Variants in ZZZ3 observed in about 807,000 individuals in gnomAD.
ZZZ3 encodes ZZ-type zinc finger-containing protein 3.
In ZZZ3, 22 loss-of-function variants were observed where a neutral mutation model predicts 95.2. The ratio of observed to expected loss-of-function variants is 0.23; its 90% CI spans 0.17 to 0.33. The LOEUF is 0.33. Among genes scored for constraint, ZZZ3 ranks in the 10% least tolerant of loss-of-function variants. The probability of loss-of-function intolerance (pLI) is 1.00; values close to 1 mark genes in which losing one functional copy is unlikely to be tolerated. For missense variants in ZZZ3, 885 were observed against 1,066.5 expected (o/e 0.83, Z 2.37); for synonymous variants, 335 against 358.9 (o/e 0.93, Z 0.75).
At chr1:77,639,998 C>G (rs887591870) in intron 3 of ZZZ3, among the ~76,000 whole-genome samples, 2 of 150,892 alleles carry the variant, frequency 1.3e-5, no homozygotes, top group Admixed American at 6.6e-5. Context: ...TAGAGGACTT[C>G]CCAAATTCTC....
At chr1:77,651,883 G>T (rs1244113092) in intron 1 of ZZZ3, among the ~76,000 whole-genome samples, 1 of 152,000 alleles carries the variant, frequency 6.6e-6, no homozygotes, top group African/African-American at 2.4e-5. Flanking sequence ...TGGGCGTGGT[G>T]GCGTGCATCT....
chr1:77,571,397 T>C (rs1446406338), intron 12 of ZZZ3, among the ~76,000 whole-genome samples: 1 of 152,164 alleles, frequency 6.6e-6, no homozygotes, highest in African/African-American at 2.4e-5. Context: ...AGTATGGTGG[T>C]TCCTCAAAAA....
chr1:77,632,428 T>G lies in ZZZ3; in HGVS notation c.927A>C (p.Ser309=). 6.2e-7 allele frequency: 1 copy of G among 1,614,160 alleles called. No homozygotes were observed. Among genetic ancestry groups the G allele is most frequent in the African/African-American group, 1.3e-5 (1 of 75,054 alleles). Reference sequence around the variant, plus strand: ...CTTCCTCCTCAGAATCCCTTAAAGATGACTGAGTTTCAGAAAAGGGCCCTG... The same window carrying G: ...CTTCCTCCTCAGAATCCCTTAAAGAGGACTGAGTTTCAGAAAAGGGCCCTG... ...PATGPFSETQ[S]SLRDSEEEVD... The change falls in exon 5 of 15, where the codon TCA becomes TCC. Residue 309 remains serine (S), a synonymous_variant. Transcript: ENST00000370801.
intron 4 of ZZZ3, among the ~76,000 whole-genome samples, chr1:77,637,369 C>T (rs1557750807): frequency 6.6e-6 from 1 of 152,132 alleles, no homozygotes; most frequent in Non-Finnish European, 1.5e-5. Flanking sequence ...CAGAGTTAAA[C>T]AAAATTTTGC....
chr1:77,625,697 A>C (rs1667268776), intron 5 of ZZZ3, among the ~76,000 whole-genome samples: 1 of 152,120 alleles, frequency 6.6e-6, no homozygotes. Flanking sequence ...TAAATCAAAA[A>C]GAAAAGGTTA....
intron 5 of ZZZ3, among the ~76,000 whole-genome samples, chr1:77,592,917 ACGAGG>A (rs1164522269): frequency 1.7e-4 from 26 of 152,370 alleles, no homozygotes; most frequent in African/African-American, 5.8e-4. Flanking sequence ...GTGAGTTATT[ACGAGG>A]TAAAGATCCA....
At chr1:77,650,464 GA>G in intron 1 of ZZZ3, among the ~76,000 whole-genome samples, 1 of 151,960 alleles carries the variant, frequency 6.6e-6, no homozygotes, top group Non-Finnish European at 1.5e-5. Context: ...AATACAACTC[GA>G]AAATCCTCAA....
At chr1:77,592,587 C>A (rs1040522597) in intron 5 of ZZZ3, among the ~76,000 whole-genome samples, 3 of 152,116 alleles carry the variant, frequency 2.0e-5, no homozygotes, top group Non-Finnish European at 4.4e-5. Context: ...CAGGCGTGAA[C>A]AACCGTGCCC....
Position 77,581,028 on chromosome 1 carries a change from T to C in ZZZ3, c.1950A>G (p.Thr650=). ...CTTCAACAGTCCACAACTGGTTAAA[T>C]GTTTCAGGTTTGGTATCATCACACA... ...GRLCDDTKPE[T]FNQLWTVEEQ... is the part of the protein sequence containing the mutation. Residue 650 remains threonine, a synonymous_variant, in exon 9 of 15, where the codon ACA becomes ACG. Transcript: ENST00000370801. 1.2e-6 allele frequency: 2 copies of C among 1,614,176 alleles called. No homozygotes were observed. The highest frequency in any genetic ancestry group is 1.7e-6 in the Non-Finnish European group (2 of 1,180,006).
chr1:77,625,462 A>G (rs1042198627), intron 5 of ZZZ3, among the ~76,000 whole-genome samples: 2 of 152,230 alleles, frequency 1.3e-5, no homozygotes, highest in African/African-American at 2.4e-5. Flanking sequence ...GTCAATTAGA[A>G]GGAAAGTCTT....
chr1:77,607,119 C>A (rs1400274273), intron 5 of ZZZ3, among the ~76,000 whole-genome samples: 1 of 152,118 alleles, frequency 6.6e-6, no homozygotes, highest in Non-Finnish European at 1.5e-5. Flanking sequence ...GTAATTTGGA[C>A]AGGAAAGCGG....
chr1:77,592,258 T>G (rs560869761), intron 5 of ZZZ3, among the ~76,000 whole-genome samples: 2 of 152,150 alleles, frequency 1.3e-5, no homozygotes, highest in African/African-American at 4.8e-5. Context: ...GAGAAATATG[T>G]TTTCATCCTG....
chr1:77,604,658 T>C (rs1244238783), intron 5 of ZZZ3, among the ~76,000 whole-genome samples: 1 of 152,224 alleles, frequency 6.6e-6, no homozygotes, highest in Non-Finnish European at 1.5e-5. Context: ...AATGTAAACA[T>C]GTTTAAATTA....
rs920184352 is a variant in ZZZ3 at position 77,572,059 on chromosome 1, G to A, written c.2332-3593C>T. Among the ~76,000 whole-genome samples, 62 of 152,244 alleles carry A rather than the reference G, an allele frequency of 4.1e-4. 1 individual carries two copies. The highest frequency in any genetic ancestry group is 1.4e-3 in the African/African-American group (57 of 41,542). Reference sequence around the variant, plus strand: ...AACTGTATACAGATTTCGAAGCCACGGGTAAATAACATGTAAGTAAGTGTT... The same window carrying A: ...AACTGTATACAGATTTCGAAGCCACAGGTAAATAACATGTAAGTAAGTGTT... On this transcript the variant is annotated intron_variant, in intron 12 of 14. Transcript: ENST00000370801.
At chr1:77,578,731 A>T in intron 11 of ZZZ3, 43 bp downstream of exon 11, 1 of 1,160,556 alleles carries the variant, frequency 8.6e-7, no homozygotes, top group East Asian at 2.8e-5. Context: ...TTCTTACTTT[A>T]ATAAATTTAA....
intron 5 of ZZZ3, among the ~76,000 whole-genome samples, chr1:77,591,675 CA>C (rs1393730022): frequency 5.3e-5 from 8 of 152,134 alleles, no homozygotes; most frequent in Admixed American, 4.6e-4. Flanking sequence ...CAATGGTGAT[CA>C]AAAGCCTTTT....
At chr1:77,569,584 C>G (rs557506338) in intron 12 of ZZZ3, among the ~76,000 whole-genome samples, 3 of 152,160 alleles carry the variant, frequency 2.0e-5, no homozygotes, top group Non-Finnish European at 4.4e-5. Flanking sequence ...ATGCCCAACT[C>G]GCTATTTCTG....
chr1:77,643,558 C>T (rs1436943053), intron 1 of ZZZ3, among the ~76,000 whole-genome samples: 5 of 152,188 alleles, frequency 3.3e-5, no homozygotes, highest in Admixed American at 2.6e-4. Flanking sequence ...TGCTTGTTTT[C>T]ATGTACTAAT....
intron 8 of ZZZ3, among the ~76,000 whole-genome samples, chr1:77,581,297 C>G (rs1662495655): frequency 6.6e-6 from 1 of 151,776 alleles, no homozygotes; most frequent in Non-Finnish European, 1.5e-5. Context: ...CATAATAGTA[C>G]TGTAACTTCA....
Sources: allele counts gnomAD v4.1 joint callset (sites outside exome capture counted in the v4.1 genomes callset), GRCh38; gene constraint gnomAD v4.1.1; transcripts MANE v1.5; gene names NCBI Gene and HGNC (gene_info 2026-07-23, HGNC 2026-07-21).